LRP1B: variants seen among roughly 807,000 people sequenced by gnomAD.
LRP1B encodes the protein LDL receptor related protein 1B, also known as low-density lipoprotein receptor-related protein 1B.
LRP1B carries 217 observed loss-of-function variants against 556.6 expected under a neutral mutation model. That is an observed-to-expected ratio of 0.39 (90% CI 0.35 to 0.44). LRP1B has a LOEUF of 0.44. Among genes scored for constraint, LRP1B ranks in the 20% least tolerant of loss-of-function variants. LRP1B has a pLI of 1.00. For missense variants in LRP1B, 5,053 were observed against 5,620.8 expected (o/e 0.90, Z 3.23); for synonymous variants, 2,047 against 1,865.8 (o/e 1.10, Z -2.50).
intron 35 of LRP1B, among the ~76,000 whole-genome samples, chr2:140,741,961 T>A (rs1254556888): frequency 6.6e-6 from 1 of 152,210 alleles, no homozygotes; most frequent in Non-Finnish European, 1.5e-5. Context: ...TATGGCTGCA[T>A]CATATTCCAT....
chr2:141,652,103 C>G (rs1332499493), intron 2 of LRP1B, among the ~76,000 whole-genome samples: 1 of 152,118 alleles, frequency 6.6e-6, no homozygotes, highest in African/African-American at 2.4e-5. Flanking sequence ...AGATACAGGT[C>G]CCAAGGAGAC....
In LRP1B at chr2:140,485,558, A is replaced by T. The variant is rs79660664; in HGVS notation, c.9244-34T>A. The T allele has an allele frequency of 3.3e-6, 5 of 1,504,830 alleles. No homozygotes were observed. The African/African-American group carries it at 5.6e-5, about 17-fold the overall frequency. 93.2% of individuals were successfully genotyped at this position (1,504,830 alleles called of 1,614,324 possible). A position where few individuals can be genotyped will look rare whatever the true frequency, so the allele number is the denominator to read the frequency against. ...CAAGAATTTAAAAGGTTAACAGCGT[A>T]AATCCCTAAAATAAGAAGTGAGCAA... On this transcript the variant is annotated intron_variant, in intron 58 of 90. Coordinates refer to ENST00000389484, the MANE Select transcript of LRP1B (RefSeq NM_018557.3).
intron 3 of LRP1B, among the ~76,000 whole-genome samples, chr2:141,445,882 A>AAT (rs974119122): frequency 6.6e-6 from 1 of 152,172 alleles, no homozygotes; most frequent in African/African-American, 2.4e-5. Context: ...TGCTGAGAAG[A>AAT]ATATATATTC....
At chr2:141,430,431 G>A (rs72848011) in intron 3 of LRP1B, among the ~76,000 whole-genome samples, 28,508 of 151,738 alleles carry the variant, frequency 0.19, 3,539 homozygotes, top group East Asian at 0.45. Context: ...ATAATTAATG[G>A]GCTGCAACAA....
intron 20 of LRP1B, among the ~76,000 whole-genome samples, chr2:140,927,427 G>C (rs997532582): frequency 2.0e-5 from 3 of 152,080 alleles, no homozygotes; most frequent in Non-Finnish European, 2.9e-5. Context: ...TTAAACTTTG[G>C]AGTCTGCTCA....
chr2:140,748,074 A>G lies in LRP1B; in HGVS notation c.5758+21139T>C, dbSNP rs773972109. 5.8e-4 allele frequency among the ~76,000 whole-genome samples: 72 copies of G among 124,994 alleles called. 1 individual carries two copies. The highest frequency in any genetic ancestry group is 9.8e-4 in the Non-Finnish European group (61 of 62,336). The allele number at this position is 124,994 out of a possible 152,430, so 82.0% of individuals were successfully genotyped here. On this transcript the variant is annotated intron_variant, in intron 35 of 90. Transcript: ENST00000389484. ...CTGTTAACACAATATTATTGCTAGGAATTTTTAAAGTCCTATGAATATATA... is the reference window on the plus strand; with the variant it reads ...CTGTTAACACAATATTATTGCTAGGGATTTTTAAAGTCCTATGAATATATA...
chr2:141,856,857 T>A (rs1698068513), intron 1 of LRP1B, among the ~76,000 whole-genome samples: 1 of 152,114 alleles, frequency 6.6e-6, no homozygotes, highest in Non-Finnish European at 1.5e-5. Flanking sequence ...TTATTCAAGT[T>A]TAAACTTGTA....
intron 11 of LRP1B, among the ~76,000 whole-genome samples, chr2:141,046,470 A>G (rs1698873063): frequency 6.6e-6 from 1 of 152,198 alleles, no homozygotes; most frequent in South Asian, 2.1e-4. Flanking sequence ...GAAAGAAAAA[A>G]GATAAACTAA....
Position 141,818,204 on chromosome 2 carries a change from A to T in LRP1B, c.83-7803T>A, listed in dbSNP as rs61540965. 6.9e-3 allele frequency among the ~76,000 whole-genome samples: 1,045 copies of T among 152,314 alleles called. 16 individuals carry two copies. Among genetic ancestry groups the T allele is most frequent in the African/African-American group, 0.023 (963 of 41,590 alleles). ...AGACAATGAATTCATTACCAGGAGA[A>T]CAGAATTCTTGTAGAGGCCTACAGA... is the stretch of plus-strand genomic sequence containing the variant. On this transcript the variant is annotated intron_variant, in intron 1 of 90. Transcript: ENST00000389484.
intron 7 of LRP1B, among the ~76,000 whole-genome samples, chr2:141,125,738 T>G (rs1470108902): frequency 6.6e-6 from 1 of 150,942 alleles, no homozygotes; most frequent in East Asian, 2.0e-4. Flanking sequence ...TATCCTTATT[T>G]AGGTCAGGCA....
At chr2:140,423,294 T>C (rs371478396) in intron 66 of LRP1B, among the ~76,000 whole-genome samples, 3 of 151,808 alleles carry the variant, frequency 2.0e-5, no homozygotes, top group African/African-American at 7.3e-5. Context: ...TTTAACTGTA[T>C]CTCCCCCACA....
chr2:141,286,139 C>G (rs951383639), intron 3 of LRP1B, among the ~76,000 whole-genome samples: 1 of 149,836 alleles, frequency 6.7e-6, no homozygotes, highest in Non-Finnish European at 1.5e-5. Context: ...AAAGAAAATT[C>G]TATTCTTGGA....
intron 47 of LRP1B, 44 bp from the exon 48 acceptor site, chr2:140,526,394 T>C (rs1362857143): frequency 8.8e-7 from 1 of 1,138,894 alleles, no homozygotes; most frequent in Non-Finnish European, 1.3e-6. Context: ...TGGGACAGAA[T>C]GACTCCTTGC....
chr2:141,331,112 G>T (rs1687628505), intron 3 of LRP1B, among the ~76,000 whole-genome samples: 1 of 152,122 alleles, frequency 6.6e-6, no homozygotes, highest in Non-Finnish European at 1.5e-5. Context: ...CTTTGCTTTG[G>T]CATTGGTGTG....
intron 2 of LRP1B, among the ~76,000 whole-genome samples, 166 bp downstream of exon 2, chr2:141,810,113 A>G (rs79336431): frequency 5.1e-4 from 40 of 77,918 alleles, no homozygotes; most frequent in African/African-American, 2.3e-3. Flanking sequence ...GAAAGAAAGA[A>G]AAAGAAAGAA....
chr2:140,660,786 G>A (rs1462970667), intron 41 of LRP1B, among the ~76,000 whole-genome samples: 1 of 151,756 alleles, frequency 6.6e-6, no homozygotes, highest in Non-Finnish European at 1.5e-5. Flanking sequence ...GTACATGTCT[G>A]AAAATGTCTG....
At chr2:141,937,271 G>A (rs1485992954) in intron 1 of LRP1B, among the ~76,000 whole-genome samples, 2 of 151,834 alleles carry the variant, frequency 1.3e-5, no homozygotes, top group Non-Finnish European at 2.9e-5. Context: ...CAGCTACTGG[G>A]AGAGGCTGAG....
At chr2:140,285,067 T>A in intron 84 of LRP1B, among the ~76,000 whole-genome samples, 1 of 150,096 alleles carries the variant, frequency 6.7e-6, no homozygotes, top group Admixed American at 6.7e-5. Flanking sequence ...CCTATCTATA[T>A]ATTTATATAT....
intron 43 of LRP1B, among the ~76,000 whole-genome samples, chr2:140,577,167 A>T (rs1225600437): frequency 6.6e-6 from 1 of 152,132 alleles, no homozygotes; most frequent in Non-Finnish European, 1.5e-5. Flanking sequence ...TTTGAAAGTT[A>T]AGCCAAGTAC....
Sources: allele counts gnomAD v4.1 joint callset (sites outside exome capture counted in the v4.1 genomes callset), GRCh38; gene constraint gnomAD v4.1.1; transcripts MANE v1.5; gene names NCBI Gene and HGNC (gene_info 2026-07-23, HGNC 2026-07-21).